LRCH1: variants seen among roughly 807,000 people sequenced by gnomAD.
LRCH1 encodes leucine rich repeats and calponin homology domain containing 1.
Under a neutral mutation model 94.9 loss-of-function variants are expected in LRCH1, and 23 were observed. The observed-to-expected ratio is 0.24, with a 90% CI of 0.17 to 0.34. LRCH1 has a LOEUF of 0.34. LRCH1 is among the 10% of genes least tolerant of loss of function. LRCH1 has a pLI of 1.00. For synonymous variants in LRCH1, 364 were observed against 354.9 expected, an observed-to-expected ratio of 1.03 and a Z score of -0.29; for missense variants, 790 against 945.9, an observed-to-expected ratio of 0.84 and a Z score of 2.16.
Position 46,701,101 on chromosome 13 carries a change from T to A in LRCH1, c.1314-20T>A, listed in dbSNP as rs763023148. 6.6e-7 allele frequency: 1 copy of A among 1,507,004 alleles called. No individual in the cohort carries two copies. The highest frequency in any genetic ancestry group is 1.1e-5 in the South Asian group (1 of 87,036). 93.4% of individuals were successfully genotyped at this position (1,507,004 alleles called of 1,614,324 possible). On this transcript the variant is annotated intron_variant, in intron 10 of 19. Coordinates refer to ENST00000389797, the MANE Select transcript of LRCH1 (RefSeq NM_001164211.2). ...GTTGTATTGATCGTTTTCATTCTTA[T>A]GCTTGGTTTCACGTTACAGAATAAG...
intron 3 of LRCH1, among the ~76,000 whole-genome samples, chr13:46,677,702 A>G (rs2051696931): frequency 6.6e-6 from 1 of 152,188 alleles, no homozygotes; most frequent in Non-Finnish European, 1.5e-5. Context: ...AAACATGATG[A>G]CCAGTGGAAA....
chr13:46,743,376 G>A lies in LRCH1; in HGVS notation c.*1528G>A, dbSNP rs564236615. On this transcript the variant is annotated 3_prime_UTR_variant, in exon 20 of 20. Transcript: ENST00000389797. ...TACATGACAGTATCTTGAGTTATGT[G>A]AGTTTTTTTTCCTCCTGACTTTGTG... The A allele has an allele frequency of 1.5e-4, 143 of 985,728 alleles. 1 individual carries two copies. The African/African-American group carries it at 2.4e-3, about 16-fold the overall frequency. The allele number at this position is 985,728 out of a possible 1,614,324, so 61.1% of individuals were successfully genotyped here.
chr13:46,672,660 C>T (rs1034636029), intron 3 of LRCH1, among the ~76,000 whole-genome samples: 1 of 152,210 alleles, frequency 6.6e-6, no homozygotes, highest in Non-Finnish European at 1.5e-5. Context: ...CTCTAAGGGA[C>T]ACCCCATGCT....
chr13:46,667,881 A>T (rs2051541509), intron 2 of LRCH1, among the ~76,000 whole-genome samples: 1 of 152,214 alleles, frequency 6.6e-6, no homozygotes. Context: ...TACCGATAGT[A>T]TTTTGGTGTA....
intron 6 of LRCH1, among the ~76,000 whole-genome samples, chr13:46,688,897 A>T (rs994840015): frequency 2.0e-5 from 3 of 152,228 alleles, no homozygotes; most frequent in African/African-American, 7.2e-5. Context: ...TAAATCCATG[A>T]AACCCCGAAC....
rs368757880 is a variant in LRCH1 at position 46,650,170 on chromosome 13, G to T, written c.308-31G>T. 268 of 1,541,612 alleles carry T rather than the reference G, an allele frequency of 1.7e-4. 1 individual carries two copies. In the South Asian group the frequency reaches 2.9e-3, roughly 17 times the overall value. On this transcript the variant is annotated intron_variant, in intron 1 of 19. Coordinates refer to ENST00000389797, the MANE Select transcript of LRCH1 (RefSeq NM_001164211.2). ...AGTGTATTGATTTTGTTCAAATTTT[G>T]TTGAGAAAATATTCTCTCCTTTTCT...
intron 1 of LRCH1, among the ~76,000 whole-genome samples, chr13:46,555,679 A>G (rs1377460716): frequency 6.6e-6 from 1 of 152,254 alleles, no homozygotes; most frequent in Non-Finnish European, 1.5e-5. Context: ...TCATCCAAAA[A>G]TACAGTATTA....
intron 1 of LRCH1, among the ~76,000 whole-genome samples, chr13:46,645,662 G>C (rs1464032855): frequency 6.6e-6 from 1 of 151,474 alleles, no homozygotes; most frequent in East Asian, 1.9e-4. Flanking sequence ...CATCTCAGGT[G>C]GTCGTAGATT....
intron 11 of LRCH1, 101 bp downstream of exon 11, chr13:46,701,308 G>A: frequency 2.6e-6 from 2 of 777,154 alleles, no homozygotes; most frequent in Non-Finnish European, 4.2e-6. Flanking sequence ...AGACGATTTT[G>A]GCCCAGTCCA....
chr13:46,593,338 A>G (rs1020042362), intron 1 of LRCH1, among the ~76,000 whole-genome samples: 1 of 148,400 alleles, frequency 6.7e-6, no homozygotes, highest in African/African-American at 2.5e-5. Flanking sequence ...TGACTAGACA[A>G]ATTTGGTTTT....
chr13:46,720,138 G>A (rs1872531874), intron 16 of LRCH1, among the ~76,000 whole-genome samples: 1 of 152,042 alleles, frequency 6.6e-6, no homozygotes, highest in Non-Finnish European at 1.5e-5. Context: ...TGTAATCCCA[G>A]CACTTTGGGA....
At chr13:46,626,461 C>G (rs1594296681) in intron 1 of LRCH1, among the ~76,000 whole-genome samples, 1 of 152,342 alleles carries the variant, frequency 6.6e-6, no homozygotes, top group Middle Eastern at 3.4e-3. Context: ...TAATCTCCCC[C>G]ACCCTTAAGA....
At chr13:46,627,504 T>C (rs1002439376) in intron 1 of LRCH1, among the ~76,000 whole-genome samples, 2 of 152,216 alleles carry the variant, frequency 1.3e-5, no homozygotes, top group African/African-American at 2.4e-5. Context: ...GAAAACTCAC[T>C]AGAGGCAGAG....
Position 46,624,891 on chromosome 13 carries a change from A to G in LRCH1, c.308-25310A>G, listed in dbSNP as rs185853566. ...TACTTGTGGAGTGAAATTTTGTATTAGGCAGATTCACTGTAATCAGTAATC... is the reference window on the plus strand; with the variant it reads ...TACTTGTGGAGTGAAATTTTGTATTGGGCAGATTCACTGTAATCAGTAATC... On this transcript the variant is annotated intron_variant, in intron 1 of 19. Transcript: ENST00000389797. 3.1e-3 allele frequency among the ~76,000 whole-genome samples: 472 copies of G among 152,362 alleles called. 3 individuals carry two copies. The highest frequency in any genetic ancestry group is 0.019 in the South Asian group (94 of 4,830).
chr13:46,641,206 G>A (rs1370350881), intron 1 of LRCH1, among the ~76,000 whole-genome samples: 1 of 152,138 alleles, frequency 6.6e-6, no homozygotes, highest in African/African-American at 2.4e-5. Flanking sequence ...AGTTCAGGAT[G>A]GATAGAAAGA....
At chr13:46,662,140 G>A (rs1234294715) in intron 2 of LRCH1, among the ~76,000 whole-genome samples, 1 of 152,128 alleles carries the variant, frequency 6.6e-6, no homozygotes, top group African/African-American at 2.4e-5. Context: ...GAAAATGTAT[G>A]TTTTCTAGGC....
At chr13:46,687,775 T>A in intron 5 of LRCH1, 77 bp from the exon 6 acceptor site, 1 of 1,244,556 alleles carries the variant, frequency 8.0e-7, no homozygotes, top group South Asian at 1.5e-5. Context: ...AATTGAAATA[T>A]ACAGAGTAAG....
At chr13:46,612,840 C>A (rs1029515868) in intron 1 of LRCH1, among the ~76,000 whole-genome samples, 1 of 152,130 alleles carries the variant, frequency 6.6e-6, no homozygotes, top group Non-Finnish European at 1.5e-5. Flanking sequence ...TTTAAGGCTG[C>A]ATATTTTATT....
At chr13:46,593,024 G>A (rs1267570390) in intron 1 of LRCH1, among the ~76,000 whole-genome samples, 1 of 151,638 alleles carries the variant, frequency 6.6e-6, no homozygotes, top group East Asian at 1.9e-4. Flanking sequence ...ACGGGTCCCA[G>A]CCTCTGCCCC....
Sources: gnomAD v4.1 joint callset for allele counts (sites outside exome capture counted in the v4.1 genomes callset) on GRCh38, gnomAD v4.1.1 for gene constraint, MANE v1.5 for transcripts, NCBI Gene and HGNC (gene_info 2026-07-23, HGNC 2026-07-21) for gene names.